SLC7A8: variants seen among roughly 807,000 people sequenced by gnomAD.
The protein encoded by SLC7A8 is solute carrier family 7 member 8, also known as large neutral amino acids transporter small subunit 2.
In SLC7A8, 30 loss-of-function variants were observed where a neutral mutation model predicts 51.2. The ratio of observed to expected loss-of-function variants is 0.59; its 90% CI spans 0.44 to 0.80. SLC7A8 has a LOEUF of 0.80. Among genes scored for constraint, SLC7A8 ranks in the 30% least tolerant of loss-of-function variants. The pLI, the probability that SLC7A8 is intolerant of heterozygous loss-of-function variation, is 0.00. For missense variants in SLC7A8, 612 were observed against 674.4 expected, an observed-to-expected ratio of 0.91 and a Z score of 1.03; for synonymous variants, 257 against 275.8, an observed-to-expected ratio of 0.93 and a Z score of 0.67.
Position 23,132,196 on chromosome 14 carries a change from G to T in SLC7A8, c.1017-639C>A, listed in dbSNP as rs573793836. On this transcript the variant is annotated intron_variant, in intron 7 of 10. Transcript: ENST00000316902. Reference sequence around the variant, plus strand: ...TTTTTGTATTTTCAGTAGAGACGGGGTTTCACCATCTTGGCCAGGCTGGTC... The same window carrying T: ...TTTTTGTATTTTCAGTAGAGACGGGTTTTCACCATCTTGGCCAGGCTGGTC... Among the ~76,000 whole-genome samples the T allele has an allele frequency of 2.6e-5, 4 of 151,996 alleles. No homozygotes were observed. The East Asian group carries it at 7.7e-4, about 29-fold the overall frequency.
chr14:23,131,517 C>A lies in SLC7A8; in HGVS notation c.1057G>T (p.Val353Leu). The change falls in exon 8 of 11, where the codon GTG becomes TTG. Residue 353 changes from valine to leucine, a missense_variant. By Grantham distance (32) the Val-to-Leu change is conservative. Coordinates refer to ENST00000316902, the MANE Select transcript of SLC7A8 (RefSeq NM_012244.4). ...AGAREGHLPS[V>L]LAMIHVKRCT... Reference sequence around the variant, plus strand: ...CGCTTCACGTGGATCATGGCCAACACACTGGGAAGGTGGCCCTCTCGGGCT... The same window carrying A: ...CGCTTCACGTGGATCATGGCCAACAAACTGGGAAGGTGGCCCTCTCGGGCT... 1 of 1,609,102 alleles carries A rather than the reference C, an allele frequency of 6.2e-7. No homozygotes were observed. The highest frequency in any genetic ancestry group is 8.5e-7 in the Non-Finnish European group (1 of 1,178,030).
chr14:23,131,627 G>T, intron 7 of SLC7A8, 70 bp from the exon 8 acceptor site: 2 of 1,259,036 alleles, frequency 1.6e-6, no homozygotes, highest in Non-Finnish European at 2.2e-6. Context: ...CTTCATCCTT[G>T]CCTACCTTCT....
At chr14:23,177,014 T>C (rs561583846) in intron 1 of SLC7A8, among the ~76,000 whole-genome samples, 1 of 152,104 alleles carries the variant, frequency 6.6e-6, no homozygotes, top group Admixed American at 6.5e-5. Context: ...ATCATGTTAG[T>C]TGGGAGATAG....
chr14:23,128,207 G>C lies in SLC7A8; in HGVS notation c.1264-11C>G. ...GAACAGCAGGTTGATCTGTGGAGCA[G>C]AGGCATGAGGCGTATGAACTGTGTA... is the stretch of plus-strand genomic sequence containing the variant. On this transcript the variant is annotated splice_polypyrimidine_tract_variant and intron_variant, in intron 9 of 10. Transcript: ENST00000316902. This position sits in a 1 kb window ranked among gnomAD's most constrained non-coding sequence, Gnocchi z 4.3. 2 of 1,613,884 alleles carry C rather than the reference G, an allele frequency of 1.2e-6. No homozygotes were observed. The highest frequency in any genetic ancestry group is 2.2e-5 in the South Asian group (2 of 91,034).
rs563944466 is a variant in SLC7A8 at position 23,127,195 on chromosome 14, C to T, written c.1590G>A (p.Ala530=). The T allele has an allele frequency of 1.8e-5, 29 of 1,614,052 alleles. No homozygotes were observed. Among genetic ancestry groups the T allele is most frequent in the East Asian group, 8.9e-5 (4 of 44,888 alleles). The part of the protein sequence containing the change: ...QPTPTKDKDV[A]GQPQP ...GTGGTCCTCAGGGCTGGGGCTGCCC[C>T]GCCACGTCCTTGTCCTTCGTGGGAG... Residue 530 remains alanine (A), a synonymous_variant, in exon 11 of 11, where the codon GCG becomes GCA. Transcript: ENST00000316902.
intron 3 of SLC7A8, among the ~76,000 whole-genome samples, chr14:23,150,330 C>T (rs1208440481): frequency 6.6e-6 from 1 of 152,088 alleles, no homozygotes; most frequent in Non-Finnish European, 1.5e-5. Flanking sequence ...GAGTCTTTTT[C>T]GGGCGTGGAA....
intron 3 of SLC7A8, among the ~76,000 whole-genome samples, chr14:23,152,933 G>A (rs966563937): frequency 4.6e-5 from 7 of 152,156 alleles, no homozygotes; most frequent in Non-Finnish European, 8.8e-5. Flanking sequence ...ACCTGGATAC[G>A]GGGCTGGATT....
chr14:23,160,297 G>A (rs747323306), intron 3 of SLC7A8, among the ~76,000 whole-genome samples: 3 of 152,146 alleles, frequency 2.0e-5, no homozygotes, highest in Non-Finnish European at 4.4e-5. Context: ...TAGGCCGGGT[G>A]GGGGTGGCTC....
intron 3 of SLC7A8, among the ~76,000 whole-genome samples, chr14:23,164,509 T>C (rs958544929): frequency 1.3e-5 from 2 of 152,206 alleles, no homozygotes; most frequent in African/African-American, 4.8e-5. Context: ...GACTTGTCAT[T>C]AGGCCCAAAT....
Position 23,128,404 on chromosome 14 carries a change from G to C in SLC7A8, c.1264-208C>G. ...GTTGATGAACATGGTCGGTCAGACA[G>C]GAAGAGGATGGGGAGGAGTTAGGGA... On this transcript the variant is annotated intron_variant, in intron 9 of 10. Transcript: ENST00000316902. This position sits in a 1 kb window ranked among gnomAD's most constrained non-coding sequence, Gnocchi z 4.3. 1 of 1,506,818 alleles carries C rather than the reference G, an allele frequency of 6.6e-7. No homozygotes were observed. The highest frequency in any genetic ancestry group is 8.9e-7 in the Non-Finnish European group (1 of 1,125,284). 93.3% of individuals were successfully genotyped at this position (1,506,818 alleles called of 1,614,324 possible). A position where few individuals can be genotyped will look rare whatever the true frequency, so the allele number is the denominator to read the frequency against.
chr14:23,150,207 G>A (rs1340419912), intron 3 of SLC7A8, among the ~76,000 whole-genome samples: 2 of 152,178 alleles, frequency 1.3e-5, no homozygotes, highest in Non-Finnish European at 2.9e-5. Flanking sequence ...GGGGAGTCGT[G>A]GAGCTGGTTT....
intron 7 of SLC7A8, 29 bp from the exon 8 acceptor site, chr14:23,131,586 G>C (rs2048634001): frequency 6.4e-7 from 1 of 1,551,626 alleles, no homozygotes; most frequent in African/African-American, 1.4e-5. Context: ...GGTCAGCCTG[G>C]GATAACCCAG....
Position 23,165,411 on chromosome 14 carries a change from G to A in SLC7A8, c.382C>T (p.Leu128=). The change falls in exon 3 of 11, where the codon CTG becomes TTG. Residue 128 remains leucine, a synonymous_variant. Coordinates refer to ENST00000316902, the MANE Select transcript of SLC7A8 (RefSeq NM_012244.4). This position sits in a 1 kb window ranked among gnomAD's most constrained non-coding sequence, Gnocchi z 4.2. The part of the protein sequence containing the change: ...AGFLRLWIAV[L]VIYPTNQAVI... ...GCCTGGTTGGTGGGGTAGATCACCA[G>A]CACAGCAATCCACAGCCTCAGGAAC... 6.3e-7 allele frequency: 1 copy of A among 1,594,916 alleles called. No homozygotes were observed. Among genetic ancestry groups the A allele is most frequent in the Non-Finnish European group, 8.5e-7 (1 of 1,172,388 alleles).
At chr14:23,137,845 C>G (rs905163289) in intron 7 of SLC7A8, 76 bp downstream of exon 7, 1 of 1,564,084 alleles carries the variant, frequency 6.4e-7, no homozygotes, top group Non-Finnish European at 8.7e-7. Context: ...CTGACAGAGA[C>G]AAGCCCACCA....
intron 3 of SLC7A8, among the ~76,000 whole-genome samples, chr14:23,148,913 A>G (rs1356373508): frequency 6.6e-6 from 1 of 152,256 alleles, no homozygotes; most frequent in East Asian, 1.9e-4. Flanking sequence ...TAGGAAATGG[A>G]TACCAGACAG....
rs761919132 is a variant in SLC7A8, at chr14:23,136,166, G to A, written c.1016+1755C>T. 2.1e-4 allele frequency among the ~76,000 whole-genome samples: 32 copies of A among 152,190 alleles called. 1 individual carries two copies. Among genetic ancestry groups the A allele is most frequent in the Non-Finnish European group, 4.3e-4 (29 of 68,032 alleles). On this transcript the variant is annotated intron_variant, in intron 7 of 10. Coordinates refer to ENST00000316902, the MANE Select transcript of SLC7A8 (RefSeq NM_012244.4). ...CAGCAGCAGCTAATCAGAAGTGTGG[G>A]AGCTGACTGTATCCCCAAGTACCCA...
At position 23,128,460 on chromosome 14, in the gene SLC7A8, T is replaced by C. The variant is rs1453094373; in HGVS notation, c.1264-264A>G. On this transcript the variant is annotated intron_variant, in intron 9 of 10. Transcript: ENST00000316902. This position sits in a 1 kb window ranked among gnomAD's most constrained non-coding sequence, Gnocchi z 4.3. ...CGATCCTCCTTGCCCATGTCCTCGC[T>C]CTTGGGTGTGGTTAGACAAGGCCTC... 1.7e-6 allele frequency: 2 copies of C among 1,203,326 alleles called. No individual in the cohort carries two copies. The highest frequency in any genetic ancestry group is 3.0e-5 in the African/African-American group (2 of 66,370). 74.5% of individuals were successfully genotyped at this position (1,203,326 alleles called of 1,614,324 possible).
chr14:23,179,867 T>A (rs1367721067), intron 1 of SLC7A8, among the ~76,000 whole-genome samples: 1 of 151,272 alleles, frequency 6.6e-6, no homozygotes, highest in Non-Finnish European at 1.5e-5. Flanking sequence ...CCATAACATG[T>A]CTCCTGATTC....
chr14:23,180,869 CAA>C (rs950021589), intron 1 of SLC7A8, among the ~76,000 whole-genome samples: 2 of 151,774 alleles, frequency 1.3e-5, no homozygotes, highest in South Asian at 2.1e-4. Flanking sequence ...ACTAAAAATA[CAA>C]AAAAAATTAG....
Sources: gnomAD v4.1 joint callset for allele counts (sites outside exome capture counted in the v4.1 genomes callset) on GRCh38, gnomAD v4.1.1 for gene constraint, Gnocchi (gnomAD v3.1) non-coding constraint, MANE v1.5 for transcripts, NCBI Gene and HGNC (gene_info 2026-07-23, HGNC 2026-07-21) for gene names.